TBCD: variants seen among roughly 807,000 people sequenced by gnomAD.
TBCD encodes tubulin folding cofactor D.
TBCD carries 105 observed loss-of-function variants against 169.3 expected under a neutral mutation model. That is an observed-to-expected ratio of 0.62 (90% CI 0.53 to 0.73). TBCD has a LOEUF of 0.73. Ranked by LOEUF, TBCD falls within the 30% of genes least tolerant of loss-of-function variation. The pLI is 0.00. For missense variants in TBCD, 1,444 were observed against 1,600.1 expected (o/e 0.90, Z 1.66); for synonymous variants, 700 against 643.9 (o/e 1.09, Z -1.32).
rs550140130 is a variant in TBCD, at chr17:82,945,487, G to C, written c.*3024G>C. ...TTCCCAGCAGCAGCACTGGAGTTGA[G>C]CAGTGAGTAGACCAAGGTCTTCATT... On this transcript the variant is annotated 3_prime_UTR_variant, in exon 39 of 39. Coordinates refer to ENST00000355528, the MANE Select transcript of TBCD (RefSeq NM_005993.5). 40 of 152,326 alleles carry C rather than the reference G, an allele frequency of 2.6e-4. No individual in the cohort carries two copies. Among genetic ancestry groups the C allele is most frequent in the African/African-American group, 8.9e-4 (37 of 41,554 alleles). The allele number at this position is 152,326 out of a possible 1,614,324, so 9.4% of individuals were successfully genotyped here.
In TBCD at chr17:82,937,307, GA is replaced by G. The variant is rs2062712447; in HGVS notation, c.3231del (p.Glu1078LysfsTer28). The G allele has an allele frequency of 6.2e-7, 1 of 1,613,922 alleles. No individual in the cohort carries two copies. Among genetic ancestry groups the G allele is most frequent in the African/African-American group, 1.3e-5 (1 of 74,938 alleles). On this transcript the variant is annotated frameshift_variant, in exon 35 of 39. Transcript: ENST00000355528. LOFTEE classifies it high-confidence loss of function. ...CTGTGAAGTTGCTTGCGCTCTGTAA[GA>G]AAGAAATCAAGAATTCAAAAGATAT... ...FAVKLLALCK[K>X]EIKNSKDIQK... is the part of the protein sequence containing the mutation.
intron 13 of TBCD, among the ~76,000 whole-genome samples, chr17:82,823,704 G>A (rs578086568): frequency 7.9e-5 from 12 of 152,124 alleles, no homozygotes; most frequent in African/African-American, 2.4e-4. Context: ...TATGTAATTC[G>A]TCTACCATAT....
At position 82,831,173 on chromosome 17, in the gene TBCD, C is replaced by T. The variant is rs572349776; in HGVS notation, c.1318+16239C>T. ...TTGTTGGAGAGGTCGTACAGGCCTT[C>T]GCAGGTCTGGCTCGTCTGCATGAAG... On this transcript the variant is annotated intron_variant, in intron 13 of 38. Transcript: ENST00000355528. The surrounding 1 kb of genome is among the most constrained non-coding windows in gnomAD (Gnocchi z 4.6). 10 of 1,614,104 alleles carry T rather than the reference C, an allele frequency of 6.2e-6. No homozygotes were observed. In the South Asian group the frequency reaches 9.9e-5, roughly 16 times the overall value.
intron 2 of TBCD, among the ~76,000 whole-genome samples, chr17:82,758,384 GAAAAA>G (rs71168146): frequency 4.0e-5 from 1 of 25,000 alleles, no homozygotes; most frequent in Non-Finnish European, 8.6e-5. Context: ...AAACGTCTCG[GAAAAA>G]AAAAAAAAAA....
intron 13 of TBCD, among the ~76,000 whole-genome samples, chr17:82,862,442 C>T (rs1375163056): frequency 1.3e-5 from 2 of 151,620 alleles, no homozygotes; most frequent in Non-Finnish European, 2.9e-5. Flanking sequence ...GGTCCTTGGC[C>T]CAGACGGGGG....
intron 22 of TBCD, among the ~76,000 whole-genome samples, chr17:82,910,273 C>T (rs2060533483): frequency 6.6e-6 from 1 of 152,178 alleles, no homozygotes. Flanking sequence ...TTGGTGTGGT[C>T]GGCTCTGAAC....
intron 35 of TBCD, chr17:82,937,705 G>A (rs2062750681): frequency 3.0e-6 from 2 of 669,494 alleles, no homozygotes; most frequent in Admixed American, 2.9e-5. Context: ...TTGCTCTGCG[G>A]CGCTCAGGTG....
In TBCD at chr17:82,884,612, C is replaced by T. The variant is rs1023213092; in HGVS notation, c.1533+410C>T. Among the ~76,000 whole-genome samples, 3 of 152,232 alleles carry T rather than the reference C, an allele frequency of 2.0e-5. No individual in the cohort carries two copies. Among genetic ancestry groups the T allele is most frequent in the African/African-American group, 7.2e-5 (3 of 41,544 alleles). Reference sequence around the variant, plus strand: ...GAGCCTCGGGAGGGGCTGTTGCGAGCAGTGGTCAGCTCTGCTTCACCCGCC... The same window carrying T: ...GAGCCTCGGGAGGGGCTGTTGCGAGTAGTGGTCAGCTCTGCTTCACCCGCC... On this transcript the variant is annotated intron_variant, in intron 15 of 38. Coordinates refer to ENST00000355528, the MANE Select transcript of TBCD (RefSeq NM_005993.5). The surrounding 1 kb of genome is among the most constrained non-coding windows in gnomAD (Gnocchi z 4.2).
In TBCD at chr17:82,772,603, C is replaced by T. The variant is rs117026521; in HGVS notation, c.638+96C>T. 6.0e-3 allele frequency: 7,786 copies of T among 1,301,770 alleles called. 35 individuals are homozygous for T. Among genetic ancestry groups the T allele is most frequent in the Non-Finnish European group, 7.2e-3 (6,496 of 896,038 alleles). The allele number at this position is 1,301,770 out of a possible 1,614,324, so 80.6% of individuals were successfully genotyped here. A position where few individuals can be genotyped will look rare whatever the true frequency, so the allele number is the denominator to read the frequency against. ...TTCATGTGCGTCTTCAGTCCTCAGA[C>T]GAAGGACCCCGGGAAGTCTTTGGAC... On this transcript the variant is annotated intron_variant, in intron 6 of 38. Coordinates refer to ENST00000355528, the MANE Select transcript of TBCD (RefSeq NM_005993.5).
intron 7 of TBCD, among the ~76,000 whole-genome samples, chr17:82,786,224 A>T (rs1385886691): frequency 6.6e-6 from 1 of 152,090 alleles, no homozygotes; most frequent in African/African-American, 2.4e-5. Flanking sequence ...TCTGCCCTCT[A>T]GGATTCCCTC....
At chr17:82,855,692 A>G (rs1028961602) in intron 13 of TBCD, among the ~76,000 whole-genome samples, 6 of 152,294 alleles carry the variant, frequency 3.9e-5, no homozygotes, top group Admixed American at 3.9e-4. Context: ...TTTAGTACAT[A>G]CCCAATGTTG....
chr17:82,937,217 C>T, intron 34 of TBCD, 54 bp from the exon 35 acceptor site: 1 of 1,528,050 alleles, frequency 6.5e-7, no homozygotes, highest in Non-Finnish European at 9.1e-7. Context: ...AAAAAGTGTG[C>T]ATCCCGGGGC....
intron 11 of TBCD, among the ~76,000 whole-genome samples, chr17:82,807,872 G>A (rs2051094391): frequency 6.6e-6 from 1 of 152,222 alleles, no homozygotes; most frequent in Non-Finnish European, 1.5e-5. Context: ...CCTGCCTCTG[G>A]CTGGCCCTGC....
chr17:82,815,870 T>C (rs1727662607), intron 13 of TBCD, among the ~76,000 whole-genome samples: 1 of 152,206 alleles, frequency 6.6e-6, no homozygotes, highest in Admixed American at 6.5e-5. Flanking sequence ...CTCTGCTTAT[T>C]TTTTTCCAGA....
chr17:82,752,302 C>T lies in TBCD; in HGVS notation c.109C>T (p.Arg37Trp). ...AGCGTTCGGCGAGAGCGCGGAGACCCGGGCGCTGCTGGGCCGCCTGCGGGA... is the reference window on the plus strand; with the variant it reads ...AGCGTTCGGCGAGAGCGCGGAGACCTGGGCGCTGCTGGGCCGCCTGCGGGA... ...LEAFGESAETRALLGRLREVH... is the reference protein window; with the variant it reads ...LEAFGESAETWALLGRLREVH... Residue 37 changes from arginine (R) to tryptophan (W), a missense_variant, in exon 1 of 39, where the codon CGG becomes TGG. Coordinates refer to ENST00000355528, the MANE Select transcript of TBCD (RefSeq NM_005993.5). 2.0e-6 allele frequency: 3 copies of T among 1,506,818 alleles called. No individual in the cohort carries two copies. The highest frequency in any genetic ancestry group is 1.8e-6 in the Non-Finnish European group (2 of 1,134,754). The allele number at this position is 1,506,818 out of a possible 1,614,324, so 93.3% of individuals were successfully genotyped here.
At position 82,799,579 on chromosome 17, in the gene TBCD, C is replaced by T. The variant is rs145681631; in HGVS notation, c.818-1285C>T. ...TGGCGTGCACGCCCCGTGTCTCTCT[C>T]AGGAGTGTGCGAGTTTTCGTGTGCA... On this transcript the variant is annotated intron_variant, in intron 8 of 38. Coordinates refer to ENST00000355528, the MANE Select transcript of TBCD (RefSeq NM_005993.5). Among the ~76,000 whole-genome samples the T allele has an allele frequency of 8.1e-4, 123 of 152,208 alleles. 4 individuals carry two copies. The East Asian group carries it at 0.021, about 26-fold the overall frequency.
chr17:82,775,277 GTCTCGCACAC>G (rs907625899), intron 6 of TBCD, among the ~76,000 whole-genome samples: 12 of 152,330 alleles, frequency 7.9e-5, no homozygotes, highest in Admixed American at 2.6e-4. Context: ...CTCCCCCTTG[GTCTCGCACAC>G]TCTCGCACAC....
intron 13 of TBCD, among the ~76,000 whole-genome samples, chr17:82,869,732 C>T (rs1350980050): frequency 6.6e-6 from 1 of 152,222 alleles, no homozygotes; most frequent in Non-Finnish European, 1.5e-5. Flanking sequence ...CCCAGACCTG[C>T]TCTGGGCAGA....
rs1312478686 is a variant in TBCD at position 82,921,528 on chromosome 17, C to G, written c.2129C>G (p.Thr710Ser). 15 of 1,613,926 alleles carry G rather than the reference C, an allele frequency of 9.3e-6. No individual in the cohort carries two copies. In the East Asian group the frequency reaches 2.4e-4, roughly 26 times the overall value. ...GGTTGGCAATGGCTGATAAATGACA[C>G]TTTGAGACATCTCCATCTCATCTCA... ...IDGWQWLIND[T>S]LRHLHLISSH... The change falls in exon 25 of 39, where the codon ACT becomes AGT. Residue 710 changes from threonine (T) to serine (S), a missense_variant. Thr to Ser is a moderately conservative substitution (Grantham distance 58). Transcript: ENST00000355528.
Sources: gnomAD v4.1 joint callset for allele counts (sites outside exome capture counted in the v4.1 genomes callset) on GRCh38, gnomAD v4.1.1 for gene constraint, Gnocchi (gnomAD v3.1) non-coding constraint, MANE v1.5 for transcripts, NCBI Gene and HGNC (gene_info 2026-07-23, HGNC 2026-07-21) for gene names.